RASA1: variants seen among roughly 807,000 people sequenced by gnomAD.
RASA1 encodes the protein ras GTPase-activating protein 1.
A neutral mutation model predicts 132.2 loss-of-function variants in RASA1; 25 were observed. That is an observed-to-expected ratio of 0.19 (90% CI 0.14 to 0.26). The LOEUF (loss-of-function observed/expected upper bound fraction) is 0.26. RASA1 is among the 10% of genes least tolerant of loss of function. The pLI is 1.00. For synonymous variants in RASA1, 477 were observed against 449.9 expected (o/e 1.06, Z -0.76); for missense variants, 964 against 1,299.2 (o/e 0.74, Z 3.97).
chr5:87,323,531 C>G (rs1756984489), intron 1 of RASA1, among the ~76,000 whole-genome samples: 1 of 152,108 alleles, frequency 6.6e-6, no homozygotes, highest in African/African-American at 2.4e-5. Flanking sequence ...AGGCATATTT[C>G]AGTTTGAGGA....
chr5:87,383,261 T>A (rs1007793736), intron 20 of RASA1, among the ~76,000 whole-genome samples: 2 of 152,268 alleles, frequency 1.3e-5, no homozygotes, highest in Admixed American at 1.3e-4. Context: ...TTAAATAAAT[T>A]AAGAAATGAG....
At chr5:87,346,173 G>C (rs936681550) in intron 6 of RASA1, among the ~76,000 whole-genome samples, 6 of 151,966 alleles carry the variant, frequency 3.9e-5, no homozygotes, top group African/African-American at 1.4e-4. Flanking sequence ...TTCAGTTCTT[G>C]ATGGTGCTAT....
Position 87,315,598 on chromosome 5 carries a change from G to A in RASA1, c.540-15750G>A, listed in dbSNP as rs149033334. 5.0e-3 allele frequency among the ~76,000 whole-genome samples: 764 copies of A among 152,186 alleles called. 4 individuals carry two copies. The highest frequency in any genetic ancestry group is 7.0e-3 in the Admixed American group (107 of 15,282). On this transcript the variant is annotated intron_variant, in intron 1 of 24. Coordinates refer to ENST00000274376, the MANE Select transcript of RASA1 (RefSeq NM_002890.3). ...TTTAAAGAAGTGTGCTATCTTTTGG[G>A]TTTTTCAGAGACCCTCTCAACCTAG... is the stretch of plus-strand genomic sequence containing the variant.
rs374958280 is a variant in RASA1 at position 87,276,559 on chromosome 5, A to G, written c.539+7569A>G. Among the ~76,000 whole-genome samples the G allele has an allele frequency of 1.1e-4, 16 of 152,292 alleles. No homozygotes were observed. The East Asian group carries it at 2.5e-3, about 24-fold the overall frequency. ...TACAATTCTACAGTCTAGTTGGAAG[A>G]TGAGGCATTACTGGTAGGGAAATAA... On this transcript the variant is annotated intron_variant, in intron 1 of 24. Coordinates refer to ENST00000274376, the MANE Select transcript of RASA1 (RefSeq NM_002890.3).
chr5:87,312,086 T>C (rs539526853), intron 1 of RASA1, among the ~76,000 whole-genome samples: 1 of 152,366 alleles, frequency 6.6e-6, no homozygotes, highest in South Asian at 2.1e-4. Flanking sequence ...GCAGTATTTT[T>C]CAGATGATCA....
chr5:87,269,497 G>C (rs58495160), intron 1 of RASA1, among the ~76,000 whole-genome samples: 4,845 of 152,314 alleles, frequency 0.032, 162 homozygotes, highest in African/African-American at 0.074. Flanking sequence ...AGAAAGCATA[G>C]TGATGCAGAA....
intron 12 of RASA1, among the ~76,000 whole-genome samples, chr5:87,371,088 T>TC (rs1760905320): frequency 6.6e-6 from 1 of 152,116 alleles, no homozygotes; most frequent in South Asian, 2.1e-4. Context: ...TATCCTATTT[T>TC]CTAAGTATTT....
intron 1 of RASA1, among the ~76,000 whole-genome samples, chr5:87,302,631 T>TAGTATTCTA (rs1755421051): frequency 6.6e-6 from 1 of 151,508 alleles, no homozygotes; most frequent in Non-Finnish European, 1.5e-5. Flanking sequence ...TACTAAAGCA[T>TAGTATTCTA]AGTATTCTAA....
At position 87,351,709 on chromosome 5, in the gene RASA1, G is replaced by A. The variant is rs115797268; in HGVS notation, c.1254-1448G>A. 7.5e-3 allele frequency among the ~76,000 whole-genome samples: 1,135 copies of A among 151,700 alleles called. 17 individuals carry two copies. Among genetic ancestry groups the A allele is most frequent in the African/African-American group, 0.026 (1,097 of 41,454 alleles). On this transcript the variant is annotated intron_variant, in intron 8 of 24. Coordinates refer to ENST00000274376, the MANE Select transcript of RASA1 (RefSeq NM_002890.3). ...TGACTGTTTATTTCGGTGTTTCTGC[G>A]TAGAGTATAAATGGAAGAGTAATTT...
intron 1 of RASA1, among the ~76,000 whole-genome samples, chr5:87,296,331 T>A (rs184235715): frequency 6.6e-6 from 1 of 152,300 alleles, no homozygotes; most frequent in African/African-American, 2.4e-5. Flanking sequence ...AGCAGATACA[T>A]CATTGCTATT....
Position 87,359,505 on chromosome 5 carries a change from A to G in RASA1, c.1333-3046A>G, listed in dbSNP as rs1324419114. On this transcript the variant is annotated intron_variant, in intron 9 of 24. Transcript: ENST00000274376. ...CTTTAATATGATTTTTAAAAGATCT[A>G]TATAGATTCCAAGATCTATATAAAA... Among the ~76,000 whole-genome samples the G allele has an allele frequency of 2.6e-5, 4 of 152,306 alleles. No homozygotes were observed. In the South Asian group the frequency reaches 6.2e-4, roughly 24 times the overall value.
chr5:87,356,807 T>C (rs10045850), intron 9 of RASA1, among the ~76,000 whole-genome samples: 57,773 of 152,044 alleles, frequency 0.38, 11,317 homozygotes, highest in East Asian at 0.5. Flanking sequence ...AAAAAATTCA[T>C]ATGGCTGGCT....
intron 13 of RASA1, 21 bp from the exon 14 acceptor site, chr5:87,374,142 T>C (rs1580380103): frequency 2.2e-6 from 3 of 1,395,150 alleles, no homozygotes; most frequent in East Asian, 2.7e-5. Context: ...AATATATATA[T>C]ATATATTTTT....
At chr5:87,324,690 T>TTATATACAATATATATACAATA (rs1466823446) in intron 1 of RASA1, among the ~76,000 whole-genome samples, 18 of 152,316 alleles carry the variant, frequency 1.2e-4, no homozygotes, top group Admixed American at 3.3e-4. Context: ...AGTTATCTGG[T>TTATATACAATATATATACAATA]TATATACAAA....
intron 10 of RASA1, among the ~76,000 whole-genome samples, 184 bp from the exon 11 acceptor site, chr5:87,363,164 T>C (rs1760243840): frequency 6.6e-6 from 1 of 151,690 alleles, no homozygotes; most frequent in South Asian, 2.1e-4. Flanking sequence ...AAACAAGTAA[T>C]ATAACAAAAG....
chr5:87,353,034 G>C, intron 8 of RASA1, 123 bp from the exon 9 acceptor site: 1 of 684,710 alleles, frequency 1.5e-6, no homozygotes, highest in South Asian at 1.7e-5. Context: ...TAATGTATTT[G>C]TGTTATGTGC....
intron 1 of RASA1, among the ~76,000 whole-genome samples, chr5:87,327,976 A>G (rs1261260949): frequency 6.6e-6 from 1 of 152,126 alleles, no homozygotes; most frequent in Non-Finnish European, 1.5e-5. Flanking sequence ...CCCAAAAAAA[A>G]AAAAAAGAGA....
At chr5:87,312,221 TAGTA>T (rs1328997124) in intron 1 of RASA1, among the ~76,000 whole-genome samples, 1 of 152,196 alleles carries the variant, frequency 6.6e-6, no homozygotes, top group African/African-American at 2.4e-5. Flanking sequence ...TATGTAACTT[TAGTA>T]AGTAATAGTC....
chr5:87,336,784 A>G (rs1758005110), intron 4 of RASA1, among the ~76,000 whole-genome samples: 1 of 152,062 alleles, frequency 6.6e-6, no homozygotes, highest in African/African-American at 2.4e-5. Context: ...CTAGAAAGGA[A>G]TAGTTTAATT....
Sources: gnomAD v4.1 joint callset for allele counts (sites outside exome capture counted in the v4.1 genomes callset) on GRCh38, gnomAD v4.1.1 for gene constraint, MANE v1.5 for transcripts, NCBI Gene and HGNC (gene_info 2026-07-23, HGNC 2026-07-21) for gene names.